Variants in LNX1 observed in about 807,000 individuals in gnomAD.
LNX1 encodes the protein ligand of numb-protein X 1, also known as E3 ubiquitin-protein ligase LNX.
In LNX1, 54 loss-of-function variants were observed where a neutral mutation model predicts 68.4. The observed-to-expected ratio is 0.79, with a 90% confidence interval of 0.63 to 0.99. The LOEUF is 0.99. LNX1 is among the 50% of genes least tolerant of loss of function. The pLI, the probability that LNX1 is intolerant of heterozygous loss-of-function variation, is 0.00. For missense variants in LNX1, 906 were observed against 926.4 expected (o/e 0.98, Z 0.29); for synonymous variants, 336 against 350.0 (o/e 0.96, Z 0.45).
At chr4:53,538,751 G>A (rs748447315) in intron 2 of LNX1, among the ~76,000 whole-genome samples, 3 of 152,148 alleles carry the variant, frequency 2.0e-5, no homozygotes, top group Non-Finnish European at 4.4e-5. Context: ...ACAAAGATTC[G>A]AAATGCAGCA....
At chr4:53,576,405 C>A in intron 1 of LNX1, 3 of 1,530,290 alleles carry the variant, frequency 2.0e-6, no homozygotes, top group Non-Finnish European at 2.6e-6. Flanking sequence ...CATGACCAGT[C>A]CTATTCAGGT....
intron 1 of LNX1, among the ~76,000 whole-genome samples, chr4:53,583,024 A>G (rs1731934645): frequency 6.6e-6 from 1 of 152,200 alleles, no homozygotes; most frequent in African/African-American, 2.4e-5. Flanking sequence ...TACTGGGGGG[A>G]AAATAATTGC....
intron 9 of LNX1, among the ~76,000 whole-genome samples, chr4:53,466,196 T>C (rs1256608278): frequency 7.9e-5 from 12 of 152,324 alleles, no homozygotes; most frequent in African/African-American, 2.9e-4. Flanking sequence ...ACTAATATTG[T>C]ACTGTTTTCA....
At chr4:53,577,952 C>T (rs1302921756) in intron 1 of LNX1, among the ~76,000 whole-genome samples, 2 of 152,058 alleles carry the variant, frequency 1.3e-5, no homozygotes, top group African/African-American at 2.4e-5. Context: ...ATTTACCATG[C>T]GCCAGGCACT....
chr4:53,529,903 C>G (rs1245023989), intron 2 of LNX1, among the ~76,000 whole-genome samples: 3 of 152,020 alleles, frequency 2.0e-5, no homozygotes, highest in Non-Finnish European at 4.4e-5. Context: ...AAGACATGTA[C>G]AGAGAACACA....
chr4:53,538,177 C>T (rs1489405350), intron 2 of LNX1, among the ~76,000 whole-genome samples: 2 of 152,180 alleles, frequency 1.3e-5, no homozygotes, highest in African/African-American at 2.4e-5. Flanking sequence ...GGAAAGGAAA[C>T]ACACATGGCT....
At chr4:53,461,710 C>T (rs1722127469) in intron 9 of LNX1, 117 bp from the exon 10 acceptor site, 1 of 683,116 alleles carries the variant, frequency 1.5e-6, no homozygotes, top group African/African-American at 1.8e-5. Context: ...AGTACCACTG[C>T]ATAGGTCCCA....
At chr4:53,565,700 G>C (rs2109753099) in intron 2 of LNX1, among the ~76,000 whole-genome samples, 1 of 151,378 alleles carries the variant, frequency 6.6e-6, no homozygotes, top group Admixed American at 6.6e-5. Context: ...AAATTACTCT[G>C]AGCTACGGGA....
At chr4:53,630,381 T>G (rs577833468) in intron 1 of LNX1, among the ~76,000 whole-genome samples, 1 of 152,204 alleles carries the variant, frequency 6.6e-6, no homozygotes, top group African/African-American at 2.4e-5. Flanking sequence ...AAAATTGGAG[T>G]GAAAGGACAC....
At position 53,496,060 on chromosome 4, in the gene LNX1, C is replaced by A. The variant is rs749787232; in HGVS notation, c.1313G>T (p.Arg438Leu). 6.2e-7 allele frequency: 1 copy of A among 1,613,978 alleles called. No homozygotes were observed. Among genetic ancestry groups the A allele is most frequent in the Non-Finnish European group, 8.5e-7 (1 of 1,179,884 alleles). ...AGCCGCACTTTCTGGGCTGCCATATCGAAGATCATGTCCATTGATGGCTAA... is the reference window on the plus strand; with the variant it reads ...AGCCGCACTTTCTGGGCTGCCATATAGAAGATCATGTCCATTGATGGCTAA... Reference protein sequence around the residue: ...RVLAINGHDLRYGSPESAAHL... With the variant: ...RVLAINGHDLLYGSPESAAHL... Residue 438 changes from arginine to leucine, a missense_variant, in exon 6 of 11, where the codon CGA becomes CTA. Coordinates refer to ENST00000263925, the MANE Select transcript of LNX1 (RefSeq NM_001126328.3).
At chr4:53,606,047 A>C (rs1282643707) in intron 2 of LNX1, among the ~76,000 whole-genome samples, 1 of 152,172 alleles carries the variant, frequency 6.6e-6, no homozygotes, top group African/African-American at 2.4e-5. Flanking sequence ...AACTAGATAA[A>C]CAAGAGCAAA....
chr4:53,472,353 G>A (rs1035692515), intron 9 of LNX1, among the ~76,000 whole-genome samples: 1 of 152,086 alleles, frequency 6.6e-6, no homozygotes, highest in South Asian at 2.1e-4. Flanking sequence ...TGGGGGATGG[G>A]GGAGGGATAG....
At chr4:53,501,302 G>A (rs1283060286) in intron 4 of LNX1, among the ~76,000 whole-genome samples, 1 of 115,474 alleles carries the variant, frequency 8.7e-6, no homozygotes, top group African/African-American at 3.4e-5. Context: ...TTTTTTTTGG[G>A]GGTGGGGGGA....
chr4:53,529,985 A>G (rs1727907280), intron 2 of LNX1, among the ~76,000 whole-genome samples: 1 of 152,242 alleles, frequency 6.6e-6, no homozygotes. Context: ...TTCAGACCTC[A>G]ATATGGAAAA....
chr4:53,651,657 C>T (rs1735102650), intron 1 of LNX1, among the ~76,000 whole-genome samples: 1 of 152,190 alleles, frequency 6.6e-6, no homozygotes, highest in Non-Finnish European at 1.5e-5. Flanking sequence ...TGGTCACCCA[C>T]AACCCTACAC....
At chr4:53,470,373 A>G (rs1723065496) in intron 9 of LNX1, among the ~76,000 whole-genome samples, 1 of 152,222 alleles carries the variant, frequency 6.6e-6, no homozygotes, top group South Asian at 2.1e-4. Context: ...ACAAACCCAC[A>G]GCCAATATCA....
chr4:53,475,451 A>G (rs1256684199), intron 9 of LNX1, among the ~76,000 whole-genome samples: 1 of 152,238 alleles, frequency 6.6e-6, no homozygotes, highest in Admixed American at 6.5e-5. Context: ...TGAAGGCTCA[A>G]AAAGGAATCT....
intron 2 of LNX1, among the ~76,000 whole-genome samples, chr4:53,599,121 G>A (rs1354374142): frequency 2.6e-5 from 4 of 152,190 alleles, no homozygotes; most frequent in Admixed American, 2.0e-4. Context: ...GTGAACCAGG[G>A]CAATTCATCT....
In LNX1 at chr4:53,460,909, A is replaced by G. The variant is rs374765760; in HGVS notation, c.2185T>C (p.Ter729GlnextTer3). The G allele has an allele frequency of 1.6e-5, 26 of 1,608,316 alleles. No homozygotes were observed. The highest frequency in any genetic ancestry group is 1.7e-6 in the Non-Finnish European group (2 of 1,177,930). Residue 729 changes from the stop codon to glutamine, a stop_lost, in exon 11 of 11, where the codon TAG (stop) becomes CAG (glutamine). Coordinates refer to ENST00000263925, the MANE Select transcript of LNX1 (RefSeq NM_001126328.3). ...TTTCCTCTGACCCATCATTGATTCT[A>G]TAAAAAAGTGCCAGGCCAAGAAACA... is the stretch of plus-strand genomic sequence containing the variant. ...TIVSWPGTFL* is the reference protein window; with the variant it reads ...TIVSWPGTFLQ
Sources: gnomAD v4.1 joint callset for allele counts (sites outside exome capture counted in the v4.1 genomes callset) on GRCh38, gnomAD v4.1.1 for gene constraint, MANE v1.5 for transcripts, NCBI Gene and HGNC (gene_info 2026-07-23, HGNC 2026-07-21) for gene names.